The following BRCA2 variants were observed in gnomAD, a reference collection of about 807,000 sequenced individuals.
The protein encoded by BRCA2 is BRCA2 DNA repair associated.
A neutral mutation model predicts 276.7 loss-of-function variants in BRCA2; 203 were observed. That is an observed-to-expected ratio of 0.73 (90% CI 0.65 to 0.82). The LOEUF is 0.82. Ranked by LOEUF, BRCA2 falls within the 40% of genes least tolerant of loss-of-function variation. BRCA2 has a pLI of 0.00. For synonymous variants in BRCA2, 1,289 were observed against 1,338.4 expected (o/e 0.96, Z 0.81); for missense variants, 3,920 against 3,915.0 (o/e 1.00, Z -0.03).
chr13:32,387,018 T>C (rs2072965228), intron 24 of BRCA2, among the ~76,000 whole-genome samples: 1 of 143,290 alleles, frequency 7.0e-6, no homozygotes, highest in African/African-American at 2.6e-5. Flanking sequence ...TTTTTTGGCA[T>C]TCTTTGGCTT....
At chr13:32,384,510 A>G (rs569178544) in intron 24 of BRCA2, 1 of 153,130 alleles carries the variant, frequency 6.5e-6, no homozygotes, top group African/African-American at 2.4e-5. Flanking sequence ...GTATATATTT[A>G]TGGGGGAGCC....
chr13:32,368,810 G>GT (rs796341976), intron 18 of BRCA2, among the ~76,000 whole-genome samples: 53 of 138,980 alleles, frequency 3.8e-4, no homozygotes, highest in South Asian at 2.8e-3. Flanking sequence ...TTTTTTTTTG[G>GT]TTTTTTTTGT....
chr13:32,371,038 C>T lies in BRCA2; in HGVS notation c.8570C>T (p.Ala2857Val), dbSNP rs748143090. ...AAGGAAGCAGCAAAATATGTGGAGG[C>T]CCAACAAAAGAGACTAGAAGCCTTA... Reference protein sequence around the residue: ...EEKEAAKYVEAQQKRLEALFT... With the variant: ...EEKEAAKYVEVQQKRLEALFT... Residue 2857 changes from alanine (A) to valine (V), a missense_variant, in exon 20 of 27, where the codon GCC (alanine) becomes GTC (valine). Physicochemically the swap from Ala to Val is moderately conservative, Grantham distance 64. Transcript: ENST00000380152. 1.2e-6 allele frequency: 2 copies of T among 1,613,944 alleles called. No homozygotes were observed. Among genetic ancestry groups the T allele is most frequent in the Non-Finnish European group, 1.7e-6 (2 of 1,179,962 alleles).
chr13:32,376,890 T>C, intron 21 of BRCA2, 99 bp downstream of exon 21: 1 of 1,509,208 alleles, frequency 6.6e-7, no homozygotes, highest in Non-Finnish European at 9.0e-7. Flanking sequence ...TATGTTGAAA[T>C]GCTGCATTTC....
At chr13:32,375,780 G>A (rs1032053738) in intron 20 of BRCA2, among the ~76,000 whole-genome samples, 2 of 152,042 alleles carry the variant, frequency 1.3e-5, no homozygotes, top group African/African-American at 4.8e-5. Flanking sequence ...GGCTGGTCAC[G>A]AACTCCGGAC....
intron 24 of BRCA2, among the ~76,000 whole-genome samples, chr13:32,387,793 A>T (rs1196471631): frequency 6.6e-6 from 1 of 152,174 alleles, no homozygotes. Flanking sequence ...GAAAACGCTG[A>T]CGTATGCTGC....
At chr13:32,320,225 T>G (rs2072297773) in intron 3 of BRCA2, among the ~76,000 whole-genome samples, 1 of 152,216 alleles carries the variant, frequency 6.6e-6, no homozygotes, top group Admixed American at 6.5e-5. Context: ...TTTGTTTGGT[T>G]GGTTGGTGAG....
intron 9 of BRCA2, 63 bp from the exon 10 acceptor site, chr13:32,332,209 G>A (rs2137464533): frequency 7.0e-7 from 1 of 1,427,400 alleles, no homozygotes. Flanking sequence ...GAAAGGTTGT[G>A]AGAATAATAT....
chr13:32,374,098 G>A (rs1593933084), intron 20 of BRCA2, among the ~76,000 whole-genome samples: 1 of 152,250 alleles, frequency 6.6e-6, no homozygotes, highest in South Asian at 2.1e-4. Context: ...ATCAATGGCT[G>A]GAGCTGGAGC....
intron 3 of BRCA2, among the ~76,000 whole-genome samples, chr13:32,323,510 A>T (rs2072322050): frequency 6.6e-6 from 1 of 152,178 alleles, no homozygotes; most frequent in South Asian, 2.1e-4. Context: ...TAGTATCTTT[A>T]ATTAAAAATC....
intron 3 of BRCA2, among the ~76,000 whole-genome samples, chr13:32,323,097 A>T (rs925099012): frequency 2.6e-5 from 4 of 151,846 alleles, no homozygotes; most frequent in African/African-American, 9.7e-5. Flanking sequence ...CAGTGTTTTG[A>T]ATTCTAGCCA....
intron 18 of BRCA2, among the ~76,000 whole-genome samples, chr13:32,366,877 A>G (rs1047737015): frequency 1.3e-5 from 2 of 152,026 alleles, no homozygotes; most frequent in Admixed American, 6.6e-5. Context: ...ACAAAAAAAA[A>G]AAAAAAAGGA....
At chr13:32,350,013 C>T in intron 13 of BRCA2, among the ~76,000 whole-genome samples, 1 of 152,112 alleles carries the variant, frequency 6.6e-6, no homozygotes, top group Non-Finnish European at 1.5e-5. Context: ...ATGTTGGGAT[C>T]TCCCCTCACC....
intron 15 of BRCA2, 46 bp downstream of exon 15, chr13:32,356,655 A>AT: frequency 6.3e-7 from 1 of 1,580,866 alleles, no homozygotes; most frequent in East Asian, 2.2e-5. Context: ...ACAGAGTGTA[A>AT]TTTTATTTCA....
intron 16 of BRCA2, 62 bp from the exon 17 acceptor site, chr13:32,362,461 T>C (rs2137576056): frequency 6.8e-7 from 1 of 1,470,052 alleles, no homozygotes; most frequent in Non-Finnish European, 9.5e-7. Context: ...ATAGTTGTAG[T>C]TGTTGAATTC....
intron 18 of BRCA2, 104 bp downstream of exon 18, chr13:32,363,637 T>A: frequency 9.5e-7 from 1 of 1,056,018 alleles, no homozygotes; most frequent in Non-Finnish European, 1.4e-6. Flanking sequence ...CTCAATTTCT[T>A]AGATGTACTG....
rs764579956 is a variant in BRCA2 at position 32,371,118 on chromosome 13, G to A, written c.8632+18G>A. 1.2e-6 allele frequency: 2 copies of A among 1,609,710 alleles called. No homozygotes were observed. The highest frequency in any genetic ancestry group is 1.3e-5 in the African/African-American group (1 of 74,908). On this transcript the variant is annotated intron_variant, in intron 20 of 26. Coordinates refer to ENST00000380152, the MANE Select transcript of BRCA2 (RefSeq NM_000059.4). ...ACATGAAGGTAAAATTAGTTATATGGTACACATTGTTATTTCTAATATGAG... is the reference window on the plus strand; with the variant it reads ...ACATGAAGGTAAAATTAGTTATATGATACACATTGTTATTTCTAATATGAG...
chr13:32,323,262 C>T (rs1443235210), intron 3 of BRCA2, among the ~76,000 whole-genome samples: 2 of 151,412 alleles, frequency 1.3e-5, no homozygotes, highest in Non-Finnish European at 2.9e-5. Flanking sequence ...ACGCCATTCT[C>T]CTGCCTTAGC....
At chr13:32,356,364 C>T (rs1298521979) in intron 14 of BRCA2, 64 bp from the exon 15 acceptor site, 18 of 1,535,866 alleles carry the variant, frequency 1.2e-5, no homozygotes, top group African/African-American at 2.7e-5. Context: ...GCCACTGTGC[C>T]TGGCCAGGGG....
Sources: gnomAD v4.1 joint callset for allele counts (sites outside exome capture counted in the v4.1 genomes callset) on GRCh38, gnomAD v4.1.1 for gene constraint, MANE v1.5 for transcripts, NCBI Gene and HGNC (gene_info 2026-07-23, HGNC 2026-07-21) for gene names.